SPPL3: variants seen among roughly 807,000 people sequenced by gnomAD.
The protein encoded by SPPL3 is signal peptide peptidase-like 3.
Under a neutral mutation model 42.4 loss-of-function variants are expected in SPPL3, and 5 were observed. The observed-to-expected ratio is 0.12, with a 90% confidence interval of 0.06 to 0.25. SPPL3 has a LOEUF of 0.25. SPPL3 is among the 10% of genes least tolerant of loss of function. The pLI, the probability that SPPL3 is intolerant of heterozygous loss-of-function variation, is 1.00. For missense variants in SPPL3, 235 were observed against 489.0 expected, an observed-to-expected ratio of 0.48 and a Z score of 4.90; for synonymous variants, 195 against 181.8, an observed-to-expected ratio of 1.07 and a Z score of -0.58.
intron 1 of SPPL3, among the ~76,000 whole-genome samples, chr12:120,899,888 C>CAAAAA (rs34814522): frequency 3.1e-4 from 22 of 71,628 alleles, no homozygotes; most frequent in African/African-American, 6.3e-4. Context: ...GACCCTGTCT[C>CAAAAA]AAAAAAAAAA....
chr12:120,851,329 GT>G (rs1162356967), intron 1 of SPPL3, among the ~76,000 whole-genome samples: 1 of 151,510 alleles, frequency 6.6e-6, no homozygotes, highest in Non-Finnish European at 1.5e-5. Context: ...TTCTCATACA[GT>G]TTTTTTTTAA....
chr12:120,860,235 G>T lies in SPPL3; in HGVS notation c.23+43610C>A, dbSNP rs202241612. On this transcript the variant is annotated intron_variant, in intron 1 of 10. Coordinates refer to ENST00000353487, the MANE Select transcript of SPPL3 (RefSeq NM_139015.5). The stretch of plus-strand genomic sequence containing the variant: ...AAAGTCTACTCAGTCACTGAGTAGG[G>T]TCTTTAAGGCAATAAAGATTATATC... Among the ~76,000 whole-genome samples, 25 of 152,214 alleles carry T rather than the reference G, an allele frequency of 1.6e-4. No individual in the cohort carries two copies. The East Asian group carries it at 4.2e-3, about 26-fold the overall frequency.
At chr12:120,899,949 G>A (rs1873924173) in intron 1 of SPPL3, among the ~76,000 whole-genome samples, 1 of 148,162 alleles carries the variant, frequency 6.7e-6, no homozygotes. Context: ...ATGCTTCACA[G>A]CTAAGCAGAA....
intron 1 of SPPL3, among the ~76,000 whole-genome samples, chr12:120,881,994 C>T (rs984697730): frequency 1.3e-5 from 2 of 151,836 alleles, no homozygotes; most frequent in Non-Finnish European, 2.9e-5. Context: ...TGCAGTCAAC[C>T]GTGGTCTGAA....
rs1185570315 is a variant in SPPL3, at chr12:120,763,216, A to G, written c.*1783T>C. ...TTTGGTACCAACAACCAAAGTGAAG[A>G]TTATGTGACAAAGGCTACAAAGGAG... On this transcript the variant is annotated 3_prime_UTR_variant, in exon 11 of 11. Coordinates refer to ENST00000353487, the MANE Select transcript of SPPL3 (RefSeq NM_139015.5). The G allele has an allele frequency of 6.6e-6, 1 of 152,284 alleles. No homozygotes were observed. Among genetic ancestry groups the G allele is most frequent in the African/African-American group, 2.4e-5 (1 of 41,452 alleles). 9.4% of individuals were successfully genotyped at this position (152,284 alleles called of 1,614,324 possible). A position where few individuals can be genotyped will look rare whatever the true frequency, so the allele number is the denominator to read the frequency against.
intron 1 of SPPL3, among the ~76,000 whole-genome samples, chr12:120,896,148 G>T (rs901426531): frequency 3.3e-5 from 5 of 151,958 alleles, no homozygotes; most frequent in Non-Finnish European, 7.4e-5. Flanking sequence ...CCAAGAAATG[G>T]GATTTTCCAT....
intron 2 of SPPL3, among the ~76,000 whole-genome samples, chr12:120,801,401 A>C (rs1425964162): frequency 6.6e-6 from 1 of 152,088 alleles, no homozygotes; most frequent in Non-Finnish European, 1.5e-5. Context: ...TCAAGGTGGT[A>C]TAAAAGCATC....
chr12:120,774,307 C>T (rs188169711), intron 6 of SPPL3, among the ~76,000 whole-genome samples: 3 of 152,312 alleles, frequency 2.0e-5, no homozygotes, highest in Admixed American at 6.5e-5. Flanking sequence ...CTGTTCACTG[C>T]CACTGTCAAA....
At chr12:120,848,665 A>G (rs1235716031) in intron 1 of SPPL3, among the ~76,000 whole-genome samples, 1 of 152,170 alleles carries the variant, frequency 6.6e-6, no homozygotes, top group African/African-American at 2.4e-5. Context: ...CAAATTGACA[A>G]TTTTCATAAC....
At chr12:120,895,297 C>T (rs560701139) in intron 1 of SPPL3, among the ~76,000 whole-genome samples, 4 of 151,996 alleles carry the variant, frequency 2.6e-5, no homozygotes, top group East Asian at 1.9e-4. Context: ...TGTATTGGCG[C>T]GCAGCTATAA....
intron 1 of SPPL3, among the ~76,000 whole-genome samples, chr12:120,876,016 A>AAACCCCCC (rs1566067012): frequency 6.9e-6 from 1 of 144,028 alleles, no homozygotes; most frequent in Non-Finnish European, 1.5e-5. Context: ...AAACAAACAG[A>AAACCCCCC]CCCCCCCCAC....
intron 1 of SPPL3, among the ~76,000 whole-genome samples, chr12:120,853,734 A>G (rs941148732): frequency 6.6e-5 from 10 of 152,190 alleles, no homozygotes; most frequent in Admixed American, 3.3e-4. Flanking sequence ...GATCTGGGGC[A>G]GAGCCAAGCA....
chr12:120,892,984 G>GAAAA (rs11373013), intron 1 of SPPL3, among the ~76,000 whole-genome samples: 30 of 126,090 alleles, frequency 2.4e-4, no homozygotes, highest in Middle Eastern at 4.0e-3. Flanking sequence ...TCTGTCTCGG[G>GAAAA]AAAAAAAAAA....
intron 1 of SPPL3, among the ~76,000 whole-genome samples, chr12:120,881,370 G>A (rs1048731071): frequency 2.7e-5 from 4 of 147,668 alleles, no homozygotes; most frequent in Non-Finnish European, 5.9e-5. Context: ...TTGGGAGGCT[G>A]AGGCAGGAGA....
intron 2 of SPPL3, among the ~76,000 whole-genome samples, chr12:120,802,561 G>GTAGCTGGGATTA (rs1057044921): frequency 2.0e-5 from 3 of 151,292 alleles, no homozygotes; most frequent in Non-Finnish European, 4.4e-5. Flanking sequence ...AGCCTCCTGA[G>GTAGCTGGGATTA]TAGCTGGGAT....
At chr12:120,826,436 G>A (rs577628258) in intron 1 of SPPL3, among the ~76,000 whole-genome samples, 4 of 152,246 alleles carry the variant, frequency 2.6e-5, no homozygotes, top group African/African-American at 9.6e-5. Context: ...AGGCACTCAT[G>A]TATGTGGCAG....
chr12:120,780,161 T>C (rs567080181), intron 6 of SPPL3, among the ~76,000 whole-genome samples: 35 of 150,386 alleles, frequency 2.3e-4, no homozygotes, highest in African/African-American at 8.0e-4. Context: ...ACTCCTCGCC[T>C]CAAGCAATCC....
At chr12:120,834,622 A>G (rs1264548724) in intron 1 of SPPL3, among the ~76,000 whole-genome samples, 1 of 151,924 alleles carries the variant, frequency 6.6e-6, no homozygotes, top group Non-Finnish European at 1.5e-5. Context: ...GCAATCTTAC[A>G]CTCATTCTCC....
intron 1 of SPPL3, among the ~76,000 whole-genome samples, chr12:120,856,352 G>A (rs556386260): frequency 6.6e-6 from 1 of 152,036 alleles, no homozygotes; most frequent in South Asian, 2.1e-4. Context: ...TGATGTCTCG[G>A]AAATGTTGCA....
Sources: allele counts gnomAD v4.1 joint callset (sites outside exome capture counted in the v4.1 genomes callset), GRCh38; gene constraint gnomAD v4.1.1; transcripts MANE v1.5; gene names NCBI Gene and HGNC (gene_info 2026-07-23, HGNC 2026-07-21).